Variants in WNK3 observed in about 807,000 individuals in gnomAD.
WNK3 encodes the protein serine/threonine-protein kinase WNK3.
A neutral mutation model predicts 116.7 loss-of-function variants in WNK3; 18 were observed. The observed-to-expected ratio is 0.15, with a 90% CI of 0.11 to 0.23. The LOEUF is 0.23. Ranked by LOEUF, WNK3 falls within the 10% of genes least tolerant of loss-of-function variation. WNK3 has a pLI of 1.00. For missense variants in WNK3, 993 were observed against 1,323.8 expected, an observed-to-expected ratio of 0.75 and a Z score of 3.88; for synonymous variants, 404 against 469.4, an observed-to-expected ratio of 0.86 and a Z score of 1.80.
At chrX:54,343,360 A>G (rs782586465) in intron 1 of WNK3, among the ~76,000 whole-genome samples, 3 of 110,209 alleles carry the variant, frequency 2.7e-5, no homozygotes, top group African/African-American at 9.9e-5. Flanking sequence ...TACAAAAATT[A>G]GCCGAGCATG....
intron 21 of WNK3, among the ~76,000 whole-genome samples, chrX:54,231,933 T>C (rs1271294251): frequency 1.8e-5 from 2 of 110,504 alleles, no homozygotes; most frequent in East Asian, 2.8e-4. Context: ...TAAGTAGAGA[T>C]TGATGCTCTT....
exon 8 of WNK3, chrX:54,294,578 T>C (rs1557165821): frequency 8.4e-7 from 1 of 1,192,199 alleles, no homozygotes; most frequent in East Asian, 3.0e-5. Context: ...AGTGCTGCTG[T>C]GGTTTTCTTT....
At chrX:54,311,552 A>G (rs945006967) in intron 2 of WNK3, among the ~76,000 whole-genome samples, 2 of 112,099 alleles carry the variant, frequency 1.8e-5, no homozygotes, top group Non-Finnish European at 3.8e-5. Context: ...CAGTATCTTG[A>G]AAAACAGTAT....
intron 15 of WNK3, 94 bp from the exon 16 acceptor site, chrX:54,250,225 C>T: frequency 1.2e-6 from 1 of 862,722 alleles, no homozygotes; most frequent in Non-Finnish European, 1.6e-6. Flanking sequence ...AACAATTTGT[C>T]TTATATCTCC....
At chrX:54,313,304 C>T (rs1352384501) in intron 2 of WNK3, among the ~76,000 whole-genome samples, 1 of 110,735 alleles carries the variant, frequency 9.0e-6, no homozygotes, top group African/African-American at 3.3e-5. Context: ...TTCTATACAT[C>T]CATCAAATAA....
At chrX:54,212,082 C>T (rs782801400) in intron 22 of WNK3, among the ~76,000 whole-genome samples, 7 of 110,576 alleles carry the variant, frequency 6.3e-5, no homozygotes, top group Non-Finnish European at 9.5e-5. Flanking sequence ...AAAAATTAGC[C>T]GAGCATGGTG....
chrX:54,349,264 G>A (rs1362644966), intron 1 of WNK3, among the ~76,000 whole-genome samples: 2 of 112,076 alleles, frequency 1.8e-5, no homozygotes, highest in Non-Finnish European at 3.8e-5. Flanking sequence ...CTTGAACCAG[G>A]GAGGCGGAGG....
rs564080941 is a variant in WNK3, at chrX:54,214,977, C to T, written c.4871-12784G>A. Among the ~76,000 whole-genome samples the T allele has an allele frequency of 6.3e-4, 69 of 109,096 alleles. 1 individual carries two copies. In the South Asian group the frequency reaches 0.024, roughly 38 times the overall value. The allele number at this position is 109,096 out of a possible 115,157, so 94.7% of individuals were successfully genotyped here. A position where few individuals can be genotyped will look rare whatever the true frequency, so the allele number is the denominator to read the frequency against. On this transcript the variant is annotated intron_variant, in intron 22 of 23. Coordinates refer to ENST00000354646, the Ensembl canonical transcript of WNK3. Reference sequence around the variant, plus strand: ...GCAGTGAGCCAAGATCACGCCACTACGTGGTGGCGGGTGCCTATAGTCCCA... The same window carrying T: ...GCAGTGAGCCAAGATCACGCCACTATGTGGTGGCGGGTGCCTATAGTCCCA...
At chrX:54,292,941 C>G in exon 10 of WNK3, 1 of 1,210,726 alleles carries the variant, frequency 8.3e-7, no homozygotes, top group Non-Finnish European at 1.1e-6. Flanking sequence ...GGTTGTGAAA[C>G]AACTGTCGGT....
chrX:54,297,605 AC>A (rs2068712404), intron 7 of WNK3, among the ~76,000 whole-genome samples: 1 of 110,083 alleles, frequency 9.1e-6, no homozygotes, highest in Non-Finnish European at 1.9e-5. Context: ...GGTAGATATT[AC>A]TCATGGTGAT....
chrX:54,351,395 G>C (rs1335756476), intron 1 of WNK3, among the ~76,000 whole-genome samples: 3 of 109,765 alleles, frequency 2.7e-5, no homozygotes, highest in African/African-American at 9.9e-5. Context: ...ACAGGAAGTT[G>C]GGTTAAAAGG....
intron 11 of WNK3, among the ~76,000 whole-genome samples, chrX:54,256,508 C>G (rs781792628): frequency 1.1e-3 from 127 of 111,812 alleles, no homozygotes; most frequent in African/African-American, 4.1e-3. Context: ...GGGGAGGCTA[C>G]CTTTTAGTTT....
intron 10 of WNK3, among the ~76,000 whole-genome samples, chrX:54,288,580 C>T (rs1466900753): frequency 9.0e-6 from 1 of 111,088 alleles, no homozygotes; most frequent in Admixed American, 9.7e-5. Context: ...TGTGAAGAGG[C>T]CTGCTGAATG....
At chrX:54,206,794 C>T (rs2067558079) in intron 22 of WNK3, among the ~76,000 whole-genome samples, 1 of 112,022 alleles carries the variant, frequency 8.9e-6, no homozygotes, top group East Asian at 2.8e-4. Context: ...CTTTGGGAGG[C>T]CGAGGTGGCT....
At chrX:54,241,252 C>T (rs2068019227) in intron 17 of WNK3, among the ~76,000 whole-genome samples, 1 of 111,790 alleles carries the variant, frequency 8.9e-6, no homozygotes, top group African/African-American at 3.3e-5. Context: ...AATACAGTGC[C>T]AGGGAGCATG....
chrX:54,283,239 T>G (rs1557163061), intron 10 of WNK3, among the ~76,000 whole-genome samples: 1 of 108,582 alleles, frequency 9.2e-6, no homozygotes, highest in African/African-American at 3.4e-5. Context: ...AGACCAGGAG[T>G]TCAAAACCAG....
At chrX:54,340,618 A>T (rs1557176195) in intron 1 of WNK3, among the ~76,000 whole-genome samples, 1 of 110,919 alleles carries the variant, frequency 9.0e-6, no homozygotes. Flanking sequence ...GTAAAAATAA[A>T]AAAAAAAAAG....
At chrX:54,355,840 T>G (rs569274984) in intron 1 of WNK3, among the ~76,000 whole-genome samples, 1 of 111,853 alleles carries the variant, frequency 8.9e-6, no homozygotes, top group South Asian at 3.8e-4. Flanking sequence ...CCTTGCCTGG[T>G]TGAGTTAGTG....
chrX:54,205,208 C>CCA (rs1173976960), intron 22 of WNK3, among the ~76,000 whole-genome samples: 91 of 102,983 alleles, frequency 8.8e-4, no homozygotes, highest in African/African-American at 2.5e-3. Flanking sequence ...GAGTGAGATT[C>CCA]CACACACACA....
Sources: gnomAD v4.1 joint callset for allele counts (sites outside exome capture counted in the v4.1 genomes callset) on GRCh38, gnomAD v4.1.1 for gene constraint, MANE v1.5 for transcripts, NCBI Gene and HGNC (gene_info 2026-07-23, HGNC 2026-07-21) for gene names.